MTERF2: variants seen among roughly 807,000 people sequenced by gnomAD.
MTERF2 encodes transcription termination factor 2, mitochondrial.
A neutral mutation model predicts 29.2 loss-of-function variants in MTERF2; 23 were observed. That is an observed-to-expected ratio of 0.79 (90% CI 0.57 to 1.12). The LOEUF (loss-of-function observed/expected upper bound fraction) is 1.12. MTERF2 is among the 50% of genes most tolerant of loss of function. The pLI is 0.00. For missense variants in MTERF2, 440 were observed against 429.4 expected (o/e 1.02, Z -0.22); for synonymous variants, 157 against 159.5 (o/e 0.98, Z 0.12).
chr12:106,981,283 A>G (rs553311110), intron 2 of MTERF2, among the ~76,000 whole-genome samples: 34 of 152,210 alleles, frequency 2.2e-4, no homozygotes, highest in Non-Finnish European at 3.5e-4. Context: ...AGCGCCTCAC[A>G]CTAACTATTC....
At chr12:106,982,863 TTCTC>T (rs1173686500) in intron 2 of MTERF2, among the ~76,000 whole-genome samples, 1 of 152,218 alleles carries the variant, frequency 6.6e-6, no homozygotes, top group African/African-American at 2.4e-5. Context: ...GTATGAGTGA[TTCTC>T]TCATCAGTTT....
chr12:106,980,598 GAAAATACATCTGGTTT>G (rs1360926719), intron 2 of MTERF2: 3 of 152,186 alleles, frequency 2.0e-5, no homozygotes, highest in Admixed American at 2.0e-4. Context: ...CTCTGGTAAT[GAAAATACATCTGGTTT>G]TAGTACCTAA....
intron 2 of MTERF2, among the ~76,000 whole-genome samples, chr12:106,982,405 G>C (rs529831759): frequency 6.6e-6 from 1 of 152,342 alleles, no homozygotes; most frequent in African/African-American, 2.4e-5. Context: ...GATGTGTTCA[G>C]ATGAGTCGTC....
At chr12:106,986,339 A>T (rs924874652) in intron 1 of MTERF2, 2 of 152,206 alleles carry the variant, frequency 1.3e-5, no homozygotes, top group Non-Finnish European at 2.9e-5. Flanking sequence ...TAATACCATA[A>T]ATCACTTAGA....
chr12:106,987,056 T>G lies in MTERF2; in HGVS notation c.-256A>C, dbSNP rs1189548324. ...CTCTCTCCGGCCAGCCTCCCCACAG[T>G]CCGCAGTCCCCGAGGCCTGGAGCCG... On this transcript the variant is annotated 5_prime_UTR_variant, in exon 1 of 3. Transcript: ENST00000240050. 6.6e-6 allele frequency: 1 copy of G among 152,586 alleles called. No individual in the cohort carries two copies. The highest frequency in any genetic ancestry group is 6.5e-5 in the Admixed American group (1 of 15,300). The allele number at this position is 152,586 out of a possible 1,614,324, so 9.5% of individuals were successfully genotyped here. A position where few individuals can be genotyped will look rare whatever the true frequency, so the allele number is the denominator to read the frequency against.
rs1280491550 is a variant in MTERF2, at chr12:106,977,699, G to A, written c.1016C>T (p.Ser339Phe). The A allele has an allele frequency of 5.0e-6, 8 of 1,613,942 alleles. No individual in the cohort carries two copies. The highest frequency in any genetic ancestry group is 5.9e-6 in the Non-Finnish European group (7 of 1,179,970). The change falls in exon 3 of 3, where the codon TCC becomes TTC. Residue 339 changes from serine (S) to phenylalanine (F), a missense_variant. Coordinates refer to ENST00000240050, the MANE Select transcript of MTERF2 (RefSeq NM_001033050.3). ...IVQYRIRKLN[S>F]SGYRIKDGHL... ...TCCATCCTTTATTCTGTAGCCTGAG[G>A]AATTCAGTTTCCTTATCCTGTACTG...
At chr12:106,984,743 T>G (rs576833540) in intron 2 of MTERF2, among the ~76,000 whole-genome samples, 1 of 152,214 alleles carries the variant, frequency 6.6e-6, no homozygotes, top group Admixed American at 6.5e-5. Flanking sequence ...ACTCTTTTCT[T>G]GTCTGCCACG....
intron 2 of MTERF2, among the ~76,000 whole-genome samples, chr12:106,979,636 A>C (rs1010899539): frequency 6.6e-6 from 1 of 152,138 alleles, no homozygotes; most frequent in African/African-American, 2.4e-5. Flanking sequence ...AGCTGGGTAA[A>C]ATGAAAAAAT....
intron 2 of MTERF2, among the ~76,000 whole-genome samples, chr12:106,982,040 G>A (rs1004195080): frequency 6.6e-6 from 1 of 152,220 alleles, no homozygotes; most frequent in African/African-American, 2.4e-5. Context: ...AGGAAATGCA[G>A]ACAGCTGCTG....
chr12:106,986,078 T>C (rs929587824), intron 1 of MTERF2: 3 of 152,242 alleles, frequency 2.0e-5, no homozygotes, highest in African/African-American at 7.2e-5. Context: ...TTCTGCTTTA[T>C]TCCCTGCACC....
Position 106,978,637 on chromosome 12 carries a change from G to A in MTERF2, c.78C>T (p.Tyr26=). ...SFRKMRSPPK[Y]RPFLACFTYT... is the part of the protein sequence containing the mutation. Reference sequence around the variant, plus strand: ...AGGTGAAGCATGCTAAGAAAGGTCTGTATTTTGGAGGTGATCGCATCTTTC... The same window carrying A: ...AGGTGAAGCATGCTAAGAAAGGTCTATATTTTGGAGGTGATCGCATCTTTC... The change falls in exon 3 of 3, where the codon TAC becomes TAT. Residue 26 remains tyrosine, a synonymous_variant. Coordinates refer to ENST00000240050, the MANE Select transcript of MTERF2 (RefSeq NM_001033050.3). 1 of 1,614,198 alleles carries A rather than the reference G, an allele frequency of 6.2e-7. No individual in the cohort carries two copies. Among genetic ancestry groups the A allele is most frequent in the Non-Finnish European group, 8.5e-7 (1 of 1,180,036 alleles).
intron 2 of MTERF2, 82 bp from the exon 3 acceptor site, chr12:106,978,853 G>C: frequency 1.5e-6 from 1 of 666,658 alleles, no homozygotes; most frequent in Non-Finnish European, 2.4e-6. Flanking sequence ...AGCTGTTGAA[G>C]TCTGGAAATA....
rs1293983900 is a variant in MTERF2, at chr12:106,977,855, T to C, written c.860A>G (p.Lys287Arg). 6.2e-7 allele frequency: 1 copy of C among 1,613,946 alleles called. No homozygotes were observed. Among genetic ancestry groups the C allele is most frequent in the Non-Finnish European group, 8.5e-7 (1 of 1,180,002 alleles). Residue 287 changes from lysine (K) to arginine (R), a missense_variant, in exon 3 of 3, where the codon AAA (lysine) becomes AGA (arginine). Transcript: ENST00000240050. Reference protein sequence around the residue: ...TDHDLKQLVLKCPALLYYSVP... With the variant: ...TDHDLKQLVLRCPALLYYSVP... ...AGAATAATATAAAAGGGCAGGACATTTCAAAACTAATTGCTTCAGGTCATG... is the reference window on the plus strand; with the variant it reads ...AGAATAATATAAAAGGGCAGGACATCTCAAAACTAATTGCTTCAGGTCATG...
chr12:106,980,635 A>G (rs924151025), intron 2 of MTERF2: 1 of 152,172 alleles, frequency 6.6e-6, no homozygotes, highest in African/African-American at 2.4e-5. Flanking sequence ...GAGTGTTGTA[A>G]GTGTCTCAGC....
chr12:106,979,959 G>A (rs546249797), intron 2 of MTERF2, among the ~76,000 whole-genome samples: 9 of 152,096 alleles, frequency 5.9e-5, no homozygotes, highest in South Asian at 4.2e-4. Flanking sequence ...ATGCAGTGGC[G>A]CGATCTTGGC....
At chr12:106,986,090 A>G (rs1431164502) in intron 1 of MTERF2, 1 of 152,238 alleles carries the variant, frequency 6.6e-6, no homozygotes, top group Non-Finnish European at 1.5e-5. Context: ...CCCTGCACCC[A>G]GCAAAGAACT....
chr12:106,981,645 T>G (rs1219444201), intron 2 of MTERF2, among the ~76,000 whole-genome samples: 1 of 151,970 alleles, frequency 6.6e-6, no homozygotes, highest in Non-Finnish European at 1.5e-5. Context: ...CTCAGCCTCC[T>G]GAGTAGCTGG....
chr12:106,977,345 G>A lies in MTERF2; in HGVS notation c.*212C>T. 2.3e-6 allele frequency: 1 copy of A among 439,236 alleles called. No homozygotes were observed. Among genetic ancestry groups the A allele is most frequent in the Non-Finnish European group, 3.9e-6 (1 of 253,374 alleles). 27.2% of individuals were successfully genotyped at this position (439,236 alleles called of 1,614,324 possible). ...TGAGTTTTTGAAATAATGGTTCAAGGTAAAAGTTACCAACCTTATTAAAAT... is the reference window on the plus strand; with the variant it reads ...TGAGTTTTTGAAATAATGGTTCAAGATAAAAGTTACCAACCTTATTAAAAT... On this transcript the variant is annotated 3_prime_UTR_variant, in exon 3 of 3. Transcript: ENST00000240050.
intron 2 of MTERF2, chr12:106,980,653 CA>C (rs1283544663): frequency 6.6e-6 from 1 of 152,174 alleles, no homozygotes; most frequent in Non-Finnish European, 1.5e-5. Flanking sequence ...AGCCTTGCCA[CA>C]AAAGTGTGTA....
Sources: gnomAD v4.1 joint callset for allele counts (sites outside exome capture counted in the v4.1 genomes callset) on GRCh38, gnomAD v4.1.1 for gene constraint, MANE v1.5 for transcripts, NCBI Gene and HGNC (gene_info 2026-07-23, HGNC 2026-07-21) for gene names.